The following LONP2 variants were observed in gnomAD, a reference collection of about 807,000 sequenced individuals.
The protein encoded by LONP2 is lon peptidase 2, peroxisomal.
A neutral mutation model predicts 85.6 loss-of-function variants in LONP2; 60 were observed. The ratio of observed to expected loss-of-function variants is 0.70; its 90% CI spans 0.57 to 0.87. The LOEUF is 0.87. Ranked by LOEUF, LONP2 falls within the 40% of genes least tolerant of loss-of-function variation. LONP2 has a pLI of 0.00. For synonymous variants in LONP2, 395 were observed against 389.7 expected, an observed-to-expected ratio of 1.01 and a Z score of -0.16; for missense variants, 860 against 1,063.5, an observed-to-expected ratio of 0.81 and a Z score of 2.66.
intron 11 of LONP2, among the ~76,000 whole-genome samples, chr16:48,326,285 T>G (rs1959236165): frequency 6.6e-6 from 1 of 152,218 alleles, no homozygotes; most frequent in Admixed American, 6.5e-5. Context: ...CCTATTTTAT[T>G]GCTGGCTGCA....
intron 11 of LONP2, among the ~76,000 whole-genome samples, chr16:48,305,148 G>T (rs1336952831): frequency 1.3e-5 from 2 of 152,270 alleles, no homozygotes; most frequent in African/African-American, 4.8e-5. Context: ...TCTTCTGTTG[G>T]ATTGGAGGGA....
At position 48,249,217 on chromosome 16, in the gene LONP2, A is replaced by G. The variant is rs180680523; in HGVS notation, c.234-2914A>G. Among the ~76,000 whole-genome samples, 6 of 152,344 alleles carry G rather than the reference A, an allele frequency of 3.9e-5. No homozygotes were observed. The East Asian group carries it at 1.2e-3, about 29-fold the overall frequency. On this transcript the variant is annotated intron_variant, in intron 1 of 14. Coordinates refer to ENST00000285737, the MANE Select transcript of LONP2 (RefSeq NM_031490.5). ...GTTAGGAGTTTCAAAACTTCTTTGA[A>G]CAATATCATAATTAGGATGTAGATT... is the stretch of plus-strand genomic sequence containing the variant.
intron 9 of LONP2, among the ~76,000 whole-genome samples, chr16:48,298,164 A>T (rs540698664): frequency 2.0e-4 from 31 of 152,318 alleles, no homozygotes; most frequent in Admixed American, 5.9e-4. Flanking sequence ...TGCAGAGGGG[A>T]GCATATGATG....
intron 12 of LONP2, 139 bp downstream of exon 12, chr16:48,334,497 G>C (rs1959577655): frequency 9.4e-7 from 1 of 1,066,598 alleles, no homozygotes; most frequent in Non-Finnish European, 1.4e-6. Context: ...TTGGGACGCA[G>C]GTTGTTGGTG....
intron 11 of LONP2, among the ~76,000 whole-genome samples, chr16:48,329,272 T>C (rs1304301975): frequency 6.6e-6 from 1 of 152,212 alleles, no homozygotes; most frequent in Non-Finnish European, 1.5e-5. Context: ...TTTTAAATTG[T>C]GCACTATTCT....
intron 12 of LONP2, among the ~76,000 whole-genome samples, chr16:48,341,973 A>C (rs1959825523): frequency 6.6e-6 from 1 of 152,176 alleles, no homozygotes; most frequent in African/African-American, 2.4e-5. Context: ...GGGAGACAGA[A>C]TCCTGAGTTT....
chr16:48,328,899 A>C (rs577772496), intron 11 of LONP2, among the ~76,000 whole-genome samples: 9 of 152,144 alleles, frequency 5.9e-5, no homozygotes, highest in Non-Finnish European at 1.2e-4. Flanking sequence ...TCATCTATAC[A>C]TATTAAGGCT....
chr16:48,267,611 G>A (rs1454922631), intron 6 of LONP2, among the ~76,000 whole-genome samples: 6 of 151,584 alleles, frequency 4.0e-5, no homozygotes, highest in South Asian at 2.1e-4. Flanking sequence ...AAATATCTTT[G>A]TTTGTTTGTT....
chr16:48,362,557 A>T lies in LONP2; in HGVS notation c.*694A>T. 1.1e-6 allele frequency: 1 copy of T among 888,108 alleles called. No individual in the cohort carries two copies. Among genetic ancestry groups the T allele is most frequent in the South Asian group, 1.8e-5 (1 of 56,410 alleles). 55.0% of individuals were successfully genotyped at this position (888,108 alleles called of 1,614,324 possible). Reference sequence around the variant, plus strand: ...AAATTTACTGAGCAAAAGAGGAAGAAAAATAGGATTAAAAAAGATATTAAA... The same window carrying T: ...AAATTTACTGAGCAAAAGAGGAAGATAAATAGGATTAAAAAAGATATTAAA... On this transcript the variant is annotated 3_prime_UTR_variant, in exon 5 of 5. Coordinates refer to the LONP2 transcript ENST00000565867. The surrounding 1 kb of genome is among the most constrained non-coding windows in gnomAD (Gnocchi z 4.2).
chr16:48,297,596 G>A (rs1481889876), intron 9 of LONP2, among the ~76,000 whole-genome samples: 5 of 152,100 alleles, frequency 3.3e-5, no homozygotes, highest in African/African-American at 7.2e-5. Context: ...GGCGTGAACC[G>A]CCACACTCGG....
At chr16:48,249,335 C>A (rs989834344) in intron 1 of LONP2, among the ~76,000 whole-genome samples, 1 of 152,042 alleles carries the variant, frequency 6.6e-6, no homozygotes, top group East Asian at 1.9e-4. Flanking sequence ...TTTGAGCATG[C>A]CTAATAATGC....
At position 48,303,214 on chromosome 16, in the gene LONP2, T is replaced by C. The variant is rs1251328302; in HGVS notation, c.1704T>C (p.Leu568=). Residue 568 remains leucine (L), a synonymous_variant, in exon 11 of 15, where the codon CTT becomes CTC. Transcript: ENST00000285737. ...EAGVRSLDRK[L]GAICRAVAVK... is the part of the protein sequence containing the mutation. ...GGGTTCGTTCTCTGGATAGAAAACT[T>C]GGGGCCATTTGCCGAGCTGTGGCCG... 6.2e-7 allele frequency: 1 copy of C among 1,614,138 alleles called. No individual in the cohort carries two copies. The highest frequency in any genetic ancestry group is 1.1e-5 in the South Asian group (1 of 91,084).
chr16:48,306,229 A>G (rs1408308967), intron 11 of LONP2, among the ~76,000 whole-genome samples: 1 of 152,246 alleles, frequency 6.6e-6, no homozygotes, highest in African/African-American at 2.4e-5. Context: ...TTTAGATGAT[A>G]TATTTTAGAA....
chr16:48,257,693 AG>A (rs1971788051), intron 3 of LONP2, among the ~76,000 whole-genome samples: 2 of 152,322 alleles, frequency 1.3e-5, no homozygotes, highest in African/African-American at 4.8e-5. Context: ...ATATGTTATC[AG>A]TTTATTTAAT....
intron 11 of LONP2, among the ~76,000 whole-genome samples, chr16:48,305,128 G>A (rs1304247978): frequency 2.6e-5 from 4 of 152,242 alleles, no homozygotes; most frequent in Non-Finnish European, 5.9e-5. Flanking sequence ...TCCAGAGAGC[G>A]AAGCTCCTAT....
chr16:48,359,664 C>T (rs541046897), downstream of LONP2, among the ~76,000 whole-genome samples: 17 of 151,678 alleles, frequency 1.1e-4, 1 homozygote, highest in South Asian at 2.7e-3. Context: ...TGCAGTGAGC[C>T]GAGATCACGC....
chr16:48,294,544 T>A (rs1972627492), intron 8 of LONP2, among the ~76,000 whole-genome samples: 1 of 152,168 alleles, frequency 6.6e-6, no homozygotes, highest in Non-Finnish European at 1.5e-5. Flanking sequence ...GGCAGGTGGA[T>A]TGCTTGAGGC....
Position 48,354,540 on chromosome 16 carries a change from C to T in LONP2, c.*2738C>T, listed in dbSNP as rs559073031. On this transcript the variant is annotated 3_prime_UTR_variant, in exon 15 of 15. Coordinates refer to ENST00000285737, the MANE Select transcript of LONP2 (RefSeq NM_031490.5). ...CATTTTTTATCACCACAAACTGAAA[C>T]TCTGTACCCACTGAAAAAGAGCTCC... is the stretch of plus-strand genomic sequence containing the variant. 1 of 152,358 alleles carries T rather than the reference C, an allele frequency of 6.6e-6. No individual in the cohort carries two copies. The highest frequency in any genetic ancestry group is 2.4e-5 in the African/African-American group (1 of 41,528). 9.4% of individuals were successfully genotyped at this position (152,358 alleles called of 1,614,324 possible).
At chr16:48,339,417 G>A (rs534750854) in intron 12 of LONP2, among the ~76,000 whole-genome samples, 2 of 152,312 alleles carry the variant, frequency 1.3e-5, no homozygotes, top group East Asian at 3.9e-4. Flanking sequence ...GGTGGGGATG[G>A]TAGAAATTGG....
Sources: allele counts gnomAD v4.1 joint callset (sites outside exome capture counted in the v4.1 genomes callset), GRCh38; gene constraint gnomAD v4.1.1; non-coding constraint Gnocchi (gnomAD v3.1); transcripts MANE v1.5; gene names NCBI Gene and HGNC (gene_info 2026-07-23, HGNC 2026-07-21).